Variants in ZNF516 observed in about 807,000 individuals in gnomAD.
ZNF516 encodes zinc finger protein 516.
ZNF516 carries 19 observed loss-of-function variants against 79.7 expected under a neutral mutation model. The observed-to-expected ratio is 0.24, with a 90% CI of 0.17 to 0.35. The LOEUF is 0.35. ZNF516 is among the 10% of genes least tolerant of loss of function. ZNF516 has a pLI of 1.00. For missense variants in ZNF516, 1,678 were observed against 1,679.5 expected (o/e 1.00, Z 0.02); for synonymous variants, 877 against 739.5 (o/e 1.19, Z -3.02).
intron 1 of ZNF516, among the ~76,000 whole-genome samples, chr18:76,469,555 A>C (rs1321022984): frequency 1.3e-5 from 2 of 152,190 alleles, no homozygotes; most frequent in Non-Finnish European, 2.9e-5. Context: ...CCGGGTTGGG[A>C]TAAGGGAGGA....
rs1484627898 is a variant in ZNF516 at position 76,458,749 on chromosome 18, C to T, written c.-158+4279G>A. 2.0e-5 allele frequency among the ~76,000 whole-genome samples: 3 copies of T among 150,902 alleles called. No homozygotes were observed. The East Asian group carries it at 5.9e-4, about 30-fold the overall frequency. Reference sequence around the variant, plus strand: ...CATGCCTGTAGGCAATGCCAGGCCTCACCGTCGTGCGTGTGTGTGCCTCGT... The same window carrying T: ...CATGCCTGTAGGCAATGCCAGGCCTTACCGTCGTGCGTGTGTGTGCCTCGT... On this transcript the variant is annotated intron_variant, in intron 2 of 6. Coordinates refer to ENST00000443185, the MANE Select transcript of ZNF516 (RefSeq NM_014643.4).
chr18:76,423,670 T>C (rs1486194939), intron 3 of ZNF516, among the ~76,000 whole-genome samples: 1 of 64,948 alleles, frequency 1.5e-5, no homozygotes. Flanking sequence ...GGCTCCCTCC[T>C]GAAACATACA....
intron 3 of ZNF516, among the ~76,000 whole-genome samples, chr18:76,398,771 C>A (rs1015601906): frequency 7.2e-5 from 11 of 152,136 alleles, no homozygotes; most frequent in African/African-American, 2.7e-4. Context: ...TACACTTCTC[C>A]GACTTAAAGC....
intron 2 of ZNF516, among the ~76,000 whole-genome samples, chr18:76,445,341 C>G (rs2145575656): frequency 6.6e-6 from 1 of 151,874 alleles, no homozygotes; most frequent in South Asian, 2.1e-4. Context: ...TTCTTAATGA[C>G]CTTTTACTCC....
Position 76,441,590 on chromosome 18 carries a change from G to A in ZNF516, c.1465C>T (p.Pro489Ser). The change falls in exon 3 of 7, where the codon CCC becomes TCC. Residue 489 changes from proline to serine, a missense_variant. Physicochemically the swap from Pro to Ser is moderately conservative, Grantham distance 74 (BLOSUM62 -1). Around this residue, in one of 5 missense-constraint regions of ZNF516, gnomAD observed 1,294 missense variants for 1,248.3 expected, o/e 1.04. Coordinates refer to ENST00000443185, the MANE Select transcript of ZNF516 (RefSeq NM_014643.4). Reference sequence around the variant, plus strand: ...GAGCGGGGATCGAGGTGGCCGGCGGGCGCGGGGTCCCCAGGCCCGCTCGCG... The same window carrying A: ...GAGCGGGGATCGAGGTGGCCGGCGGACGCGGGGTCCCCAGGCCCGCTCGCG... ...KRASGPGDPA[P>S]AGHLDPRSAA... is the part of the protein sequence containing the mutation. 7 of 1,438,344 alleles carry A rather than the reference G, an allele frequency of 4.9e-6. No individual in the cohort carries two copies. Among genetic ancestry groups the A allele is most frequent in the Non-Finnish European group, 6.4e-6 (7 of 1,100,156 alleles). 89.1% of individuals were successfully genotyped at this position (1,438,344 alleles called of 1,614,324 possible).
At chr18:76,404,822 T>C (rs919688270) in intron 3 of ZNF516, among the ~76,000 whole-genome samples, 4 of 143,894 alleles carry the variant, frequency 2.8e-5, no homozygotes, top group Non-Finnish European at 6.3e-5. Flanking sequence ...TGTGCACGAG[T>C]TTGCATGTGT....
chr18:76,385,381 A>C (rs1202599976), intron 3 of ZNF516, among the ~76,000 whole-genome samples: 3 of 152,202 alleles, frequency 2.0e-5, no homozygotes, highest in Non-Finnish European at 4.4e-5. Context: ...CAACATCTTC[A>C]ACACACACAA....
rs764326167 is a variant in ZNF516 at position 76,492,130 on chromosome 18, G to A, written c.-272+3014C>T. ...TCTCCGGGGAGGTAGTGGGCACGTGGGTCCTTAACCTCTCCATTGCATCAT... is the reference window on the plus strand; with the variant it reads ...TCTCCGGGGAGGTAGTGGGCACGTGAGTCCTTAACCTCTCCATTGCATCAT... On this transcript the variant is annotated intron_variant, in intron 1 of 6. Coordinates refer to ENST00000443185, the MANE Select transcript of ZNF516 (RefSeq NM_014643.4). 17 of 983,304 alleles carry A rather than the reference G, an allele frequency of 1.7e-5. No homozygotes were observed. The Middle Eastern group carries it at 1.6e-3, about 91-fold the overall frequency. 60.9% of individuals were successfully genotyped at this position (983,304 alleles called of 1,614,324 possible). A position where few individuals can be genotyped will look rare whatever the true frequency, so the allele number is the denominator to read the frequency against.
At chr18:76,425,004 AAC>A (rs566407578) in intron 3 of ZNF516, among the ~76,000 whole-genome samples, 8 of 147,942 alleles carry the variant, frequency 5.4e-5, no homozygotes, top group African/African-American at 1.5e-4. Context: ...CTCCCCCTGA[AAC>A]ACACACACAG....
At chr18:76,491,050 A>C in intron 1 of ZNF516, 4 of 985,100 alleles carry the variant, frequency 4.1e-6, no homozygotes, top group Non-Finnish European at 4.8e-6. Context: ...TCGCGGGCGC[A>C]GGACCGGTTC....
chr18:76,472,843 T>C (rs1913926756), intron 1 of ZNF516, among the ~76,000 whole-genome samples: 1 of 152,164 alleles, frequency 6.6e-6, no homozygotes, highest in Non-Finnish European at 1.5e-5. Context: ...GATCTACACA[T>C]AAAATAAACA....
intron 1 of ZNF516, among the ~76,000 whole-genome samples, chr18:76,491,250 G>C (rs1313835088): frequency 1.9e-5 from 2 of 103,812 alleles, no homozygotes; most frequent in Admixed American, 2.1e-4. Flanking sequence ...GCAGACCCCA[G>C]TTCCGGACCG....
intron 1 of ZNF516, among the ~76,000 whole-genome samples, chr18:76,480,079 A>G (rs1015618765): frequency 2.6e-5 from 3 of 116,214 alleles, no homozygotes; most frequent in African/African-American, 3.7e-5. Context: ...ATGCCATCCT[A>G]TAAGGCTGCC....
At chr18:76,491,165 C>CA in intron 1 of ZNF516, 1 of 935,414 alleles carries the variant, frequency 1.1e-6, no homozygotes, top group Non-Finnish European at 1.3e-6. Context: ...TACCTGGGCT[C>CA]CGCCGCGCCT....
At chr18:76,418,242 A>G (rs888234233) in intron 3 of ZNF516, among the ~76,000 whole-genome samples, 14 of 152,136 alleles carry the variant, frequency 9.2e-5, no homozygotes, top group African/African-American at 3.1e-4. Flanking sequence ...CTATCACACT[A>G]TAACACACTA....
chr18:76,493,184 T>G lies in ZNF516; in HGVS notation c.-272+1960A>C. 1 of 984,928 alleles carries G rather than the reference T, an allele frequency of 1.0e-6. No individual in the cohort carries two copies. The highest frequency in any genetic ancestry group is 1.7e-5 in the African/African-American group (1 of 57,218). 61.0% of individuals were successfully genotyped at this position (984,928 alleles called of 1,614,324 possible). On this transcript the variant is annotated intron_variant, in intron 1 of 6. Transcript: ENST00000443185. The surrounding 1 kb of genome is among the most constrained non-coding windows in gnomAD (Gnocchi z 5.2). Reference sequence around the variant, plus strand: ...CTGAAAGTTAGCCATCTGCGCAGAGTTTGCCTTCTTTAAGGAGGGAGGCGT... The same window carrying G: ...CTGAAAGTTAGCCATCTGCGCAGAGGTTGCCTTCTTTAAGGAGGGAGGCGT...
chr18:76,469,375 T>A (rs1251036447), intron 1 of ZNF516, among the ~76,000 whole-genome samples: 2 of 152,208 alleles, frequency 1.3e-5, no homozygotes, highest in South Asian at 2.1e-4. Flanking sequence ...TTAATAAATA[T>A]CTCTGAATGT....
intron 6 of ZNF516, among the ~76,000 whole-genome samples, chr18:76,369,752 T>C (rs1174180563): frequency 6.6e-6 from 1 of 152,056 alleles, no homozygotes; most frequent in Non-Finnish European, 1.5e-5. Context: ...CTTTCCTCAA[T>C]GACAAAGGGG....
Position 76,373,914 on chromosome 18 carries a change from T to C in ZNF516, c.3260-2343A>G, listed in dbSNP as rs532089008. Among the ~76,000 whole-genome samples the C allele has an allele frequency of 2.0e-5, 3 of 152,368 alleles. No homozygotes were observed. In the South Asian group the frequency reaches 6.2e-4, roughly 32 times the overall value. On this transcript the variant is annotated intron_variant, in intron 4 of 6. Transcript: ENST00000443185. ...AACTTCATTTGAACTGAAGACCACC[T>C]GGTAAGCACGCAGCTCAAATGTTCT...
Sources: gnomAD v4.1 joint callset for allele counts (sites outside exome capture counted in the v4.1 genomes callset) on GRCh38, gnomAD v4.1.1 for gene constraint, gnomAD v4.1.1 regional missense constraint, Gnocchi (gnomAD v3.1) non-coding constraint, MANE v1.5 for transcripts, NCBI Gene and HGNC (gene_info 2026-07-23, HGNC 2026-07-21) for gene names.